Variants in ZBTB46 observed in about 807,000 individuals in gnomAD.
ZBTB46 encodes the protein zinc finger and BTB domain containing 46, also known as zinc finger and BTB domain-containing protein 46.
A neutral mutation model predicts 44.1 loss-of-function variants in ZBTB46; 8 were observed. The observed-to-expected ratio is 0.18, with a 90% confidence interval of 0.11 to 0.33. ZBTB46 has a LOEUF of 0.33. Ranked by LOEUF, ZBTB46 falls within the 10% of genes least tolerant of loss-of-function variation. ZBTB46 has a pLI of 1.00. For synonymous variants in ZBTB46, 409 were observed against 382.3 expected, an observed-to-expected ratio of 1.07 and a Z score of -0.81; for missense variants, 651 against 847.7, an observed-to-expected ratio of 0.77 and a Z score of 2.88.
At chr20:63,822,778 CT>C (rs2092799384) in intron 1 of ZBTB46, among the ~76,000 whole-genome samples, 2 of 152,168 alleles carry the variant, frequency 1.3e-5, no homozygotes, top group Non-Finnish European at 2.9e-5. Flanking sequence ...CTTTGGGAGG[CT>C]GAGGCAGGAT....
chr20:63,820,948 A>G (rs2146083536), intron 1 of ZBTB46, among the ~76,000 whole-genome samples: 2 of 150,664 alleles, frequency 1.3e-5, no homozygotes, highest in South Asian at 4.2e-4. Context: ...GCTAGAGTGC[A>G]ATGGTGCGAT....
chr20:63,793,601 CAG>C (rs1452659326), intron 1 of ZBTB46, among the ~76,000 whole-genome samples: 1 of 133,490 alleles, frequency 7.5e-6, no homozygotes, highest in Non-Finnish European at 1.6e-5. Flanking sequence ...ATCAGGAAAA[CAG>C]AGCCTGTAAG....
intron 3 of ZBTB46, among the ~76,000 whole-genome samples, chr20:63,770,223 G>A (rs1453031304): frequency 1.3e-5 from 2 of 152,218 alleles, no homozygotes; most frequent in Non-Finnish European, 2.9e-5. Context: ...GCTGTTTGGA[G>A]ACACGAAGGC....
chr20:63,819,656 G>A (rs370293288), intron 1 of ZBTB46, among the ~76,000 whole-genome samples: 101 of 152,232 alleles, frequency 6.6e-4, no homozygotes, highest in African/African-American at 2.3e-3. Context: ...ACCACTTCTC[G>A]GCCTCCCTGA....
At chr20:63,815,382 G>A (rs1191051023) in intron 1 of ZBTB46, among the ~76,000 whole-genome samples, 1 of 151,752 alleles carries the variant, frequency 6.6e-6, no homozygotes, top group Non-Finnish European at 1.5e-5. Flanking sequence ...GTGGGCACAG[G>A]TGCAGTGAGT....
chr20:63,772,998 C>T (rs2092389767), intron 3 of ZBTB46, among the ~76,000 whole-genome samples: 1 of 152,186 alleles, frequency 6.6e-6, no homozygotes. Context: ...CCAGGGCCAC[C>T]AAGGCCGAGC....
At chr20:63,797,851 TTTGA>T (rs2092615225) in intron 1 of ZBTB46, among the ~76,000 whole-genome samples, 2 of 152,170 alleles carry the variant, frequency 1.3e-5, no homozygotes, top group African/African-American at 4.8e-5. Context: ...GATGGGGTTG[TTTGA>T]TTTTTTCTTG....
chr20:63,768,992 A>G (rs2092344281), intron 3 of ZBTB46, among the ~76,000 whole-genome samples: 1 of 152,226 alleles, frequency 6.6e-6, no homozygotes, highest in Admixed American at 6.5e-5. Context: ...ACTTCATACA[A>G]CCTGTTGCTG....
At chr20:63,830,070 C>G (rs1174404926) in intron 1 of ZBTB46, among the ~76,000 whole-genome samples, 2 of 152,214 alleles carry the variant, frequency 1.3e-5, no homozygotes, top group African/African-American at 4.8e-5. Flanking sequence ...AGAGGAAATT[C>G]GCTGCGAATC....
intron 1 of ZBTB46, among the ~76,000 whole-genome samples, chr20:63,810,565 A>G (rs1336152675): frequency 6.6e-6 from 1 of 152,058 alleles, no homozygotes; most frequent in Non-Finnish European, 1.5e-5. Context: ...GGCCTACATA[A>G]CGAAACTCTG....
chr20:63,789,882 G>A lies in ZBTB46; in HGVS notation c.876C>T (p.Ala292=), dbSNP rs1469606162. The A allele has an allele frequency of 6.2e-7, 1 of 1,613,810 alleles. No homozygotes were observed. The highest frequency in any genetic ancestry group is 8.5e-7 in the Non-Finnish European group (1 of 1,180,030). Residue 292 remains alanine (A), a synonymous_variant, in exon 2 of 5, where the codon GCC becomes GCT. Coordinates refer to ENST00000245663, the MANE Select transcript of ZBTB46 (RefSeq NM_001369741.1). ...ITQQVEDDSR[A]SSPVPSFLPT... Reference sequence around the variant, plus strand: ...GCAGGAAGGACGGCACCGGGGAGCTGGCCCGGCTGTCATCTTCCACCTGCT... The same window carrying A: ...GCAGGAAGGACGGCACCGGGGAGCTAGCCCGGCTGTCATCTTCCACCTGCT...
intron 3 of ZBTB46, among the ~76,000 whole-genome samples, chr20:63,757,343 G>C (rs1334601323): frequency 6.6e-6 from 1 of 152,086 alleles, no homozygotes; most frequent in Admixed American, 6.5e-5. Context: ...GGCTGGTCTC[G>C]AACTCCTGAC....
At position 63,746,856 on chromosome 20, in the gene ZBTB46, C is replaced by T. The variant is rs1305789304; in HGVS notation, c.*74G>A. The T allele has an allele frequency of 2.5e-5, 35 of 1,427,436 alleles. No individual in the cohort carries two copies. The highest frequency in any genetic ancestry group is 2.9e-5 in the Non-Finnish European group (32 of 1,094,046). 88.4% of individuals were successfully genotyped at this position (1,427,436 alleles called of 1,614,324 possible). On this transcript the variant is annotated 3_prime_UTR_variant, in exon 5 of 5. Coordinates refer to ENST00000245663, the MANE Select transcript of ZBTB46 (RefSeq NM_001369741.1). ...AGAGGGGTGAGCGTGGCCCTGGCCC[C>T]GCAGTGGAGACCCACCGGACACACA...
upstream of ZBTB46, among the ~76,000 whole-genome samples, chr20:63,831,590 G>A (rs972559832): frequency 2.6e-3 from 388 of 148,902 alleles, 1 homozygote; most frequent in African/African-American, 8.5e-3. Flanking sequence ...CTGGCGGGGG[G>A]CTGGGGCGGC....
intron 1 of ZBTB46, chr20:63,807,982 AC>A (rs1337260680): frequency 1.4e-5 from 2 of 147,750 alleles, no homozygotes; most frequent in Non-Finnish European, 3.0e-5. Context: ...AGCTGAACGG[AC>A]CTTCCCACAG....
At chr20:63,754,350 G>A (rs1272388754) in intron 3 of ZBTB46, among the ~76,000 whole-genome samples, 2 of 152,160 alleles carry the variant, frequency 1.3e-5, no homozygotes, top group African/African-American at 2.4e-5. Context: ...CCCTGACAGC[G>A]CCTGGTTCTC....
At chr20:63,779,497 G>C (rs1263214117) in intron 2 of ZBTB46, among the ~76,000 whole-genome samples, 12 of 141,496 alleles carry the variant, frequency 8.5e-5, no homozygotes, top group Non-Finnish European at 1.5e-4. Flanking sequence ...TTGGCTCACT[G>C]CAAGCTCCGC....
intron 2 of ZBTB46, among the ~76,000 whole-genome samples, chr20:63,781,842 T>A (rs2092472360): frequency 6.6e-6 from 1 of 150,816 alleles, no homozygotes; most frequent in African/African-American, 2.4e-5. Flanking sequence ...TCCCAGCACT[T>A]TAGGAGGCTG....
chr20:63,783,452 ACT>A (rs2092487345), intron 2 of ZBTB46, among the ~76,000 whole-genome samples: 1 of 152,082 alleles, frequency 6.6e-6, no homozygotes, highest in African/African-American at 2.4e-5. Context: ...AACAAAAAAT[ACT>A]CTGTCCAGTG....
Sources: gnomAD v4.1 joint callset for allele counts (sites outside exome capture counted in the v4.1 genomes callset) on GRCh38, gnomAD v4.1.1 for gene constraint, MANE v1.5 for transcripts, NCBI Gene and HGNC (gene_info 2026-07-23, HGNC 2026-07-21) for gene names.